Variants in DRC8 observed in about 807,000 individuals in gnomAD.
DRC8 encodes dynein regulatory complex protein 8.
chr1:244,993,814 G>T, the DRC8 span, among the ~76,000 whole-genome samples: 1 of 152,204 alleles, frequency 6.6e-6, no homozygotes, highest in Non-Finnish European at 1.5e-5. Context: ...TATAACATAC[G>T]TGCTCCTAAG....
chr1:245,118,815 GAAAAGAAAAGAAA>G, the DRC8 span, among the ~76,000 whole-genome samples: 1 of 151,130 alleles, frequency 6.6e-6, no homozygotes, highest in African/African-American at 2.4e-5. Context: ...GAAAAGAAAA[GAAAAGAAAAGAAA>G]AGAAAAGAAA....
chr1:245,056,664 G>C, the DRC8 span, among the ~76,000 whole-genome samples: 1 of 152,172 alleles, frequency 6.6e-6, no homozygotes. Context: ...AAGGCCGGGT[G>C]TGGTGGCTCA....
the DRC8 span, among the ~76,000 whole-genome samples, chr1:245,101,300 A>T: frequency 6.6e-6 from 1 of 152,200 alleles, no homozygotes; most frequent in African/African-American, 2.4e-5. Flanking sequence ...AGAATTTCCC[A>T]CATCCTGGTT....
chr1:245,080,274 A>G, the DRC8 span, among the ~76,000 whole-genome samples: 1 of 152,158 alleles, frequency 6.6e-6, no homozygotes, highest in Non-Finnish European at 1.5e-5. Context: ...CCGACATGAA[A>G]GTTAAGGTCA....
chr1:244,979,489 G>A, the DRC8 span, among the ~76,000 whole-genome samples: 1 of 151,504 alleles, frequency 6.6e-6, no homozygotes, highest in East Asian at 1.9e-4. Context: ...TATATTTTTA[G>A]TAGACGGGGT....
At chr1:245,014,068 A>AAG in the DRC8 span, among the ~76,000 whole-genome samples, 1 of 149,654 alleles carries the variant, frequency 6.7e-6, no homozygotes, top group South Asian at 2.2e-4. Context: ...AAAAGAAAAA[A>AAG]AGAAAAGAGT....
chr1:245,083,412 G>A, the DRC8 span: 5 of 1,603,362 alleles, frequency 3.1e-6, no homozygotes, highest in South Asian at 2.2e-5. Context: ...AAATACCACG[G>A]CATTTACTCA....
the DRC8 span, among the ~76,000 whole-genome samples, chr1:245,085,734 A>T: frequency 2.0e-5 from 3 of 152,204 alleles, no homozygotes; most frequent in African/African-American, 7.2e-5. Flanking sequence ...TCGGTTTGTT[A>T]GATGCATAAG....
chr1:245,121,869 T>C, the DRC8 span: 1 of 422,574 alleles, frequency 2.4e-6, no homozygotes, highest in African/African-American at 2.1e-5. Context: ...TTTTTTGCTT[T>C]CTTAATTATT....
chr1:244,986,302 C>G, the DRC8 span, among the ~76,000 whole-genome samples: 1 of 152,252 alleles, frequency 6.6e-6, no homozygotes, highest in African/African-American at 2.4e-5. Flanking sequence ...GACATTTCCT[C>G]TACCAAAAAC....
the DRC8 span, among the ~76,000 whole-genome samples, chr1:245,092,169 C>T: frequency 6.6e-6 from 1 of 152,228 alleles, no homozygotes; most frequent in Non-Finnish European, 1.5e-5. Flanking sequence ...GAGAGCCCAG[C>T]TCTAGTCCTT....
the DRC8 span, among the ~76,000 whole-genome samples, chr1:244,976,428 G>C: frequency 6.6e-6 from 1 of 152,080 alleles, no homozygotes; most frequent in Non-Finnish European, 1.5e-5. Flanking sequence ...AAGCAAACAA[G>C]AAGACTAGCT....
At chr1:245,083,587 G>A in the DRC8 span, 4 of 1,592,876 alleles carry the variant, frequency 2.5e-6, no homozygotes, top group East Asian at 2.3e-5. Context: ...TTCACCAAAT[G>A]AAAAATATAA....
At chr1:245,114,463 T>TA in the DRC8 span, among the ~76,000 whole-genome samples, 1,289 of 138,552 alleles carry the variant, frequency 9.3e-3, 13 homozygotes, top group African/African-American at 0.025. Flanking sequence ...AGACTCCATC[T>TA]AAAAAAAAAA....
At chr1:244,990,632 C>CAGAAG in the DRC8 span, among the ~76,000 whole-genome samples, 1 of 152,018 alleles carries the variant, frequency 6.6e-6, no homozygotes, top group Admixed American at 6.6e-5. Context: ...ATGACATAGC[C>CAGAAG]CCATCAAGGT....
the DRC8 span, among the ~76,000 whole-genome samples, chr1:245,044,994 G>T: frequency 6.6e-6 from 1 of 151,982 alleles, no homozygotes; most frequent in South Asian, 2.1e-4. Flanking sequence ...GTTTTAAAAG[G>T]TTGCTTTAAT....
At chr1:245,063,275 G>A in the DRC8 span, among the ~76,000 whole-genome samples, 1 of 152,042 alleles carries the variant, frequency 6.6e-6, no homozygotes, top group African/African-American at 2.4e-5. Flanking sequence ...CATCTCCTAG[G>A]GTCCTTGCCA....
the DRC8 span, chr1:245,087,252 T>G: frequency 6.9e-6 from 11 of 1,601,960 alleles, no homozygotes; most frequent in Non-Finnish European, 9.3e-6. Context: ...GAGGTGAGCC[T>G]TTTTCTCAAG....
At chr1:245,115,459 T>C in the DRC8 span, among the ~76,000 whole-genome samples, 3 of 152,374 alleles carry the variant, frequency 2.0e-5, no homozygotes, top group Admixed American at 2.0e-4. Context: ...GTGCACTTTT[T>C]AGTTGAGAAG....
Sources: gnomAD v4.1 joint callset for allele counts (sites outside exome capture counted in the v4.1 genomes callset) on GRCh38, gnomAD v4.1.1 for gene constraint, MANE v1.5 for transcripts, NCBI Gene and HGNC (gene_info 2026-07-23, HGNC 2026-07-21) for gene names.